FAM13A: variants seen among roughly 807,000 people sequenced by gnomAD.
FAM13A encodes the protein family with sequence similarity 13 member A.
FAM13A carries 76 observed loss-of-function variants against 129.6 expected under a neutral mutation model. That is an observed-to-expected ratio of 0.59 (90% confidence interval 0.49 to 0.71). FAM13A has a LOEUF of 0.71. Ranked by LOEUF, FAM13A falls within the 30% of genes least tolerant of loss-of-function variation. FAM13A has a pLI of 0.00. For missense variants in FAM13A, 1,108 were observed against 1,249.3 expected (o/e 0.89, Z 1.70); for synonymous variants, 443 against 449.9 (o/e 0.98, Z 0.20).
At chr4:88,872,376 T>C (rs879079715) in intron 6 of FAM13A, among the ~76,000 whole-genome samples, 1 of 152,204 alleles carries the variant, frequency 6.6e-6, no homozygotes, top group South Asian at 2.1e-4. Flanking sequence ...ATCAGTGTGC[T>C]GTATTCAGTA....
intron 1 of FAM13A, among the ~76,000 whole-genome samples, chr4:89,050,220 T>G (rs1400168346): frequency 6.6e-6 from 1 of 151,894 alleles, no homozygotes; most frequent in Non-Finnish European, 1.5e-5. Context: ...TTTTTTTTCT[T>G]TTTTTGAGGC....
intron 13 of FAM13A, among the ~76,000 whole-genome samples, chr4:88,760,952 A>C (rs1467201601): frequency 2.0e-5 from 3 of 152,166 alleles, no homozygotes; most frequent in Non-Finnish European, 4.4e-5. Context: ...CAGACATCAA[A>C]AAATACTAGA....
chr4:88,953,947 G>A (rs1408457328), intron 4 of FAM13A, among the ~76,000 whole-genome samples: 1 of 151,982 alleles, frequency 6.6e-6, no homozygotes, highest in Non-Finnish European at 1.5e-5. Flanking sequence ...TAAATAACAG[G>A]ACAAGAAACA....
intron 14 of FAM13A, among the ~76,000 whole-genome samples, chr4:88,755,465 G>A (rs1208782298): frequency 6.6e-6 from 1 of 152,132 alleles, no homozygotes; most frequent in African/African-American, 2.4e-5. Flanking sequence ...GAAAACCAGG[G>A]CAGGTTTACT....
intron 6 of FAM13A, among the ~76,000 whole-genome samples, chr4:88,899,945 C>T (rs1747008913): frequency 6.6e-6 from 1 of 152,056 alleles, no homozygotes; most frequent in Non-Finnish European, 1.5e-5. Context: ...CATAACTGAC[C>T]TGATGGAAGT....
chr4:88,819,443 T>C (rs1731455986), intron 7 of FAM13A, among the ~76,000 whole-genome samples: 1 of 152,208 alleles, frequency 6.6e-6, no homozygotes, highest in Non-Finnish European at 1.5e-5. Flanking sequence ...GTCATAGCTA[T>C]GACTCAGAGT....
intron 7 of FAM13A, among the ~76,000 whole-genome samples, chr4:88,838,966 CCTT>C (rs1334246362): frequency 2.0e-5 from 3 of 151,236 alleles, no homozygotes; most frequent in African/African-American, 7.3e-5. Context: ...TTCATTTTTC[CCTT>C]CTTTGTGTTT....
chr4:88,925,959 C>T (rs1328691024), intron 5 of FAM13A, among the ~76,000 whole-genome samples: 1 of 151,976 alleles, frequency 6.6e-6, no homozygotes, highest in African/African-American at 2.4e-5. Context: ...GGACCCGCAC[C>T]AACTTAACCA....
intron 4 of FAM13A, among the ~76,000 whole-genome samples, chr4:88,973,851 A>C (rs1480672618): frequency 2.0e-5 from 3 of 152,122 alleles, no homozygotes; most frequent in Non-Finnish European, 4.4e-5. Context: ...GTGCCCCTCA[A>C]CTGTAAACTT....
Position 88,990,836 on chromosome 4 carries a change from G to A in FAM13A, c.605+137C>T, listed in dbSNP as rs915544776. ...TGAAAAACAAGGCTAACATGCCCAA[G>A]AACAAGATACAACTTCTCCAAAATA... On this transcript the variant is annotated intron_variant, in intron 4 of 23. Coordinates refer to ENST00000264344, the MANE Select transcript of FAM13A (RefSeq NM_014883.4). The A allele has an allele frequency of 2.4e-4, 144 of 608,718 alleles. No individual in the cohort carries two copies. In the African/African-American group the frequency reaches 2.5e-3, roughly 11 times the overall value. 37.7% of individuals were successfully genotyped at this position (608,718 alleles called of 1,614,324 possible).
intron 5 of FAM13A, among the ~76,000 whole-genome samples, chr4:88,932,615 T>C (rs1267122817): frequency 6.6e-6 from 1 of 152,204 alleles, no homozygotes; most frequent in Non-Finnish European, 1.5e-5. Context: ...ACACATGCAA[T>C]GTTTTTGAGC....
intron 6 of FAM13A, among the ~76,000 whole-genome samples, chr4:88,866,300 C>A (rs1022266292): frequency 2.0e-5 from 3 of 152,134 alleles, no homozygotes; most frequent in African/African-American, 7.2e-5. Context: ...CCCATCTCAG[C>A]CTCCCAAAGT....
intron 6 of FAM13A, among the ~76,000 whole-genome samples, chr4:88,856,589 T>A (rs2150011521): frequency 6.6e-6 from 1 of 152,326 alleles, no homozygotes; most frequent in Non-Finnish European, 1.5e-5. Context: ...ATATTCTTCA[T>A]CAGGTACTCT....
At chr4:88,854,850 A>C (rs1738227258) in intron 6 of FAM13A, among the ~76,000 whole-genome samples, 1 of 152,258 alleles carries the variant, frequency 6.6e-6, no homozygotes, top group Non-Finnish European at 1.5e-5. Context: ...TCTTTGAGAC[A>C]GTAAAATTAG....
At chr4:88,944,037 T>C (rs1455768399) in intron 4 of FAM13A, among the ~76,000 whole-genome samples, 1 of 152,226 alleles carries the variant, frequency 6.6e-6, no homozygotes, top group African/African-American at 2.4e-5. Context: ...GTTTTATTTT[T>C]ACAGCACTAT....
intron 8 of FAM13A, among the ~76,000 whole-genome samples, chr4:88,800,996 C>T (rs2149723601): frequency 1.3e-5 from 2 of 151,970 alleles, no homozygotes; most frequent in Middle Eastern, 6.8e-3. Flanking sequence ...CAATATGCTT[C>T]TTAAGGAGAA....
intron 4 of FAM13A, among the ~76,000 whole-genome samples, chr4:88,978,120 T>C (rs1761149120): frequency 6.6e-6 from 1 of 152,162 alleles, no homozygotes; most frequent in Non-Finnish European, 1.5e-5. Context: ...GAGACAACGA[T>C]AACATAGAAA....
At chr4:89,030,180 A>G (rs1339469449) in intron 1 of FAM13A, among the ~76,000 whole-genome samples, 2 of 152,180 alleles carry the variant, frequency 1.3e-5, no homozygotes, top group Non-Finnish European at 2.9e-5. Context: ...CTTCTGGAAC[A>G]TAATATCAAC....
intron 4 of FAM13A, among the ~76,000 whole-genome samples, chr4:88,966,255 A>G (rs965227933): frequency 6.6e-6 from 1 of 152,238 alleles, no homozygotes; most frequent in Non-Finnish European, 1.5e-5. Context: ...ATAAATAAAC[A>G]TTAGACCCTT....
Sources: gnomAD v4.1 joint callset for allele counts (sites outside exome capture counted in the v4.1 genomes callset) on GRCh38, gnomAD v4.1.1 for gene constraint, MANE v1.5 for transcripts, NCBI Gene and HGNC (gene_info 2026-07-23, HGNC 2026-07-21) for gene names.